BIRC6: variants seen among roughly 807,000 people sequenced by gnomAD.
The protein encoded by BIRC6 is baculoviral IAP repeat containing 6.
In BIRC6, 98 loss-of-function variants were observed where a neutral mutation model predicts 503.3. The observed-to-expected ratio is 0.19, with a 90% CI of 0.17 to 0.23. The LOEUF is 0.23. BIRC6 is among the 10% of genes least tolerant of loss of function. BIRC6 has a pLI of 1.00. For missense variants in BIRC6, 5,360 were observed against 5,806.0 expected (o/e 0.92, Z 2.50); for synonymous variants, 2,240 against 2,078.7 (o/e 1.08, Z -2.11).
At chr2:32,447,705 G>T (rs2046216955) in intron 21 of BIRC6, among the ~76,000 whole-genome samples, 1 of 86,524 alleles carries the variant, frequency 1.2e-5, no homozygotes, top group Non-Finnish European at 2.3e-5. Context: ...GCGGGGGGCT[G>T]ACCCCCCCCA....
chr2:32,584,347 T>C (rs901900745), intron 66 of BIRC6, among the ~76,000 whole-genome samples: 2 of 152,112 alleles, frequency 1.3e-5, no homozygotes, highest in Non-Finnish European at 2.9e-5. Flanking sequence ...CTGGCCAACA[T>C]GGTGAAACCC....
rs1407258691 is a variant in BIRC6, at chr2:32,578,979, A to AAT, written c.13355+3623_13355+3624dup. On this transcript the variant is annotated intron_variant, in intron 66 of 73. Coordinates refer to ENST00000421745, the MANE Select transcript of BIRC6 (RefSeq NM_016252.4). ...GTTTACTACTTATTTTTATATACCT[A>AAT]ATATATATATACACTTAATATATAT... is the stretch of plus-strand genomic sequence containing the variant. 4.2e-4 allele frequency among the ~76,000 whole-genome samples: 31 copies of AAT among 74,338 alleles called. 4 individuals are homozygous for AAT. Among genetic ancestry groups the AAT allele is most frequent in the African/African-American group, 1.5e-3 (24 of 16,536 alleles). 48.8% of individuals were successfully genotyped at this position (74,338 alleles called of 152,430 possible).
intron 66 of BIRC6, among the ~76,000 whole-genome samples, chr2:32,593,592 C>T (rs1227173295): frequency 6.6e-6 from 1 of 152,048 alleles, no homozygotes; most frequent in Non-Finnish European, 1.5e-5. Context: ...CTTTAATTCT[C>T]AAATATTTTA....
chr2:32,544,166 A>AT (rs1289107248), intron 62 of BIRC6, among the ~76,000 whole-genome samples: 1 of 152,148 alleles, frequency 6.6e-6, no homozygotes, highest in East Asian at 1.9e-4. Flanking sequence ...GTAACAGATC[A>AT]TGGAAAAAAC....
At chr2:32,597,692 T>C (rs1358864552) in intron 68 of BIRC6, 59 bp from the exon 69 acceptor site, 2 of 1,283,556 alleles carry the variant, frequency 1.6e-6, no homozygotes, top group East Asian at 4.7e-5. Context: ...TTGTTTGTGA[T>C]TTTTGTCATT....
intron 33 of BIRC6, among the ~76,000 whole-genome samples, chr2:32,474,537 G>A (rs2049506580): frequency 6.6e-6 from 1 of 152,184 alleles, no homozygotes; most frequent in Non-Finnish European, 1.5e-5. Flanking sequence ...TCAGGTGTCA[G>A]TATTACTTCT....
At chr2:32,487,922 G>C (rs1357260805) in intron 41 of BIRC6, 121 bp downstream of exon 41, 2 of 775,520 alleles carry the variant, frequency 2.6e-6, no homozygotes, top group Non-Finnish European at 4.1e-6. Context: ...TATTCAGTTG[G>C]AAAAATATTA....
chr2:32,460,220 ATC>A (rs1341230374), intron 23 of BIRC6, among the ~76,000 whole-genome samples: 1 of 125,650 alleles, frequency 8.0e-6, no homozygotes, highest in African/African-American at 3.1e-5. Flanking sequence ...ATATATATAT[ATC>A]TCATATGATA....
intron 65 of BIRC6, among the ~76,000 whole-genome samples, chr2:32,559,433 A>G (rs1309896550): frequency 2.0e-5 from 3 of 152,214 alleles, no homozygotes; most frequent in African/African-American, 7.2e-5. Flanking sequence ...ACAATGAAGT[A>G]TGTGTAAAGG....
intron 59 of BIRC6, chr2:32,528,826 C>G (rs1272934324): frequency 3.3e-5 from 5 of 151,936 alleles, no homozygotes. Context: ...TATAAAATTA[C>G]CTTAAGGCTA....
chr2:32,388,500 C>T (rs1458742849), intron 3 of BIRC6, among the ~76,000 whole-genome samples: 20 of 152,196 alleles, frequency 1.3e-4, no homozygotes, highest in Non-Finnish European at 1.5e-5. Flanking sequence ...AGCCACTGCA[C>T]CTGGCCTTTA....
At position 32,586,423 on chromosome 2, in the gene BIRC6, C is replaced by CTTTTT. The variant is rs972959083; in HGVS notation, c.13356-7469_13356-7465dup. Among the ~76,000 whole-genome samples the CTTTTT allele has an allele frequency of 6.2e-4, 44 of 70,974 alleles. 4 individuals carry two copies. The East Asian group carries it at 6.4e-3, about 10-fold the overall frequency. 46.6% of individuals were successfully genotyped at this position (70,974 alleles called of 152,430 possible). A position where few individuals can be genotyped will look rare whatever the true frequency, so the allele number is the denominator to read the frequency against. ...ATCTCAGACAAAATCTCAAGCAGTCCTTTTTTTTTTTTTTTTTTTTTTTTT... is the reference window on the plus strand; with the variant it reads ...ATCTCAGACAAAATCTCAAGCAGTCCTTTTTTTTTTTTTTTTTTTTTTTTTTTTTT... On this transcript the variant is annotated intron_variant, in intron 66 of 73. Transcript: ENST00000421745.
intron 3 of BIRC6, among the ~76,000 whole-genome samples, chr2:32,386,000 T>A (rs2038401531): frequency 6.6e-6 from 1 of 152,180 alleles, no homozygotes; most frequent in Non-Finnish European, 1.5e-5. Context: ...GGACTCTTAT[T>A]CTCTGGTTTG....
intron 9 of BIRC6, among the ~76,000 whole-genome samples, chr2:32,414,108 A>G (rs142805612): frequency 0.034 from 5,124 of 151,918 alleles, 98 homozygotes; most frequent in South Asian, 0.063. Context: ...CCTGACCAAC[A>G]TGGAGAAACC....
At position 32,414,954 on chromosome 2, in the gene BIRC6, A is replaced by C. The variant is rs1442106129; in HGVS notation, c.1663A>C (p.Lys555Gln). The C allele has an allele frequency of 3.1e-6, 5 of 1,613,882 alleles. No homozygotes were observed. The highest frequency in any genetic ancestry group is 8.5e-7 in the Non-Finnish European group (1 of 1,179,890). ...TNSKSEKTKE[K>Q]HQEQHNIPFP... Reference sequence around the variant, plus strand: ...CTCTAAGAGTGAAAAGACAAAGGAAAAGCACCAGGAGCAACACAACATTCC... The same window carrying C: ...CTCTAAGAGTGAAAAGACAAAGGAACAGCACCAGGAGCAACACAACATTCC... The change falls in exon 10 of 74, where the codon AAG becomes CAG. Residue 555 changes from lysine (K) to glutamine (Q), a missense_variant. This residue lies in a region of BIRC6 where 700 missense variants were observed against 739.3 expected (regional missense o/e 0.95). Coordinates refer to ENST00000421745, the MANE Select transcript of BIRC6 (RefSeq NM_016252.4).
rs759423186 is a variant in BIRC6 at position 32,545,701 on chromosome 2, T to G, written c.12651T>G (p.Leu4217=). ...TTCCAACCCTTCCTTTCCACGTCCT[T>G]CGTAGCTTGTTTAGCACTACACCTT... The part of the protein sequence containing the change: ...NVLPTLPFHV[L]RSLFSTTPLT... The change falls in exon 63 of 74, where the codon CTT becomes CTG. Residue 4217 remains leucine (L), a synonymous_variant. Transcript: ENST00000421745. The G allele has an allele frequency of 6.2e-7, 1 of 1,613,900 alleles. No individual in the cohort carries two copies. The highest frequency in any genetic ancestry group is 1.1e-5 in the South Asian group (1 of 91,070).
At chr2:32,446,738 G>GTT (rs58232090) in intron 21 of BIRC6, among the ~76,000 whole-genome samples, 1,328 of 34,832 alleles carry the variant, frequency 0.038, 175 homozygotes, top group East Asian at 0.088. Flanking sequence ...CCTCTGCGCT[G>GTT]TTTTTTTTTT....
At chr2:32,477,958 G>A (rs1236520023) in intron 35 of BIRC6, among the ~76,000 whole-genome samples, 1 of 152,038 alleles carries the variant, frequency 6.6e-6, no homozygotes, top group Non-Finnish European at 1.5e-5. Context: ...GGTTTGAAAT[G>A]TAAGTAATGT....
intron 1 of BIRC6, among the ~76,000 whole-genome samples, chr2:32,366,397 A>G (rs2034937309): frequency 6.6e-6 from 1 of 151,982 alleles, no homozygotes; most frequent in Non-Finnish European, 1.5e-5. Context: ...TACCTTCTTT[A>G]TTCCTTTACT....
Sources: allele counts gnomAD v4.1 joint callset (sites outside exome capture counted in the v4.1 genomes callset), GRCh38; gene constraint gnomAD v4.1.1; regional missense constraint gnomAD v4.1.1; transcripts MANE v1.5; gene names NCBI Gene and HGNC (gene_info 2026-07-23, HGNC 2026-07-21).